Variants in CHN1 observed in about 807,000 individuals in gnomAD.
CHN1 encodes chimerin 1.
Under a neutral mutation model 59.5 loss-of-function variants are expected in CHN1, and 37 were observed. The ratio of observed to expected loss-of-function variants is 0.62; its 90% CI spans 0.48 to 0.82. The LOEUF is 0.82. Among genes scored for constraint, CHN1 ranks in the 40% least tolerant of loss-of-function variants. CHN1 has a pLI of 0.00. For synonymous variants in CHN1, 206 were observed against 200.4 expected, an observed-to-expected ratio of 1.03 and a Z score of -0.24; for missense variants, 469 against 571.0, an observed-to-expected ratio of 0.82 and a Z score of 1.82.
chr2:174,821,671 C>T (rs558093243), intron 8 of CHN1: 12 of 429,226 alleles, frequency 2.8e-5, no homozygotes, highest in African/African-American at 2.3e-4. Context: ...GTAGGCACCT[C>T]CCCTCTGGAG....
intron 6 of CHN1, among the ~76,000 whole-genome samples, chr2:174,872,245 A>G (rs771943236): frequency 5.3e-5 from 8 of 152,180 alleles, no homozygotes; most frequent in African/African-American, 7.2e-5. Flanking sequence ...GTTTGCATCA[A>G]TGCACTCCTG....
At chr2:174,921,203 A>C (rs1442336367) in intron 3 of CHN1, among the ~76,000 whole-genome samples, 1 of 152,166 alleles carries the variant, frequency 6.6e-6, no homozygotes, top group South Asian at 2.1e-4. Flanking sequence ...GGGGACACCT[A>C]ATCTATAGCA....
intron 6 of CHN1, chr2:174,847,181 G>A (rs1686549293): frequency 1.3e-6 from 2 of 1,514,138 alleles, no homozygotes; most frequent in African/African-American, 1.4e-5. Context: ...GTCTGTCGAT[G>A]ATATCTATTC....
chr2:174,914,181 G>A (rs190631338), intron 5 of CHN1, among the ~76,000 whole-genome samples: 1 of 152,298 alleles, frequency 6.6e-6, no homozygotes, highest in East Asian at 1.9e-4. Flanking sequence ...GAGTTGTTGC[G>A]AGGATTAAAT....
intron 1 of CHN1, among the ~76,000 whole-genome samples, chr2:174,961,358 C>T (rs1690400750): frequency 6.6e-6 from 1 of 151,978 alleles, no homozygotes; most frequent in African/African-American, 2.4e-5. Context: ...AGGCCGATCA[C>T]CTGAGGGTGG....
At chr2:174,989,914 T>C (rs912819448) in intron 1 of CHN1, among the ~76,000 whole-genome samples, 5 of 152,214 alleles carry the variant, frequency 3.3e-5, no homozygotes, top group African/African-American at 7.2e-5. Flanking sequence ...ATTTTCCTTC[T>C]TCCCCTGGTA....
intron 6 of CHN1, among the ~76,000 whole-genome samples, chr2:174,869,628 G>A (rs1687340214): frequency 6.6e-6 from 1 of 151,984 alleles, no homozygotes; most frequent in South Asian, 2.1e-4. Context: ...AACTGTACAT[G>A]GAACTGTGCA....
intron 6 of CHN1, among the ~76,000 whole-genome samples, chr2:174,854,699 T>C (rs1341076775): frequency 6.6e-6 from 1 of 152,206 alleles, no homozygotes; most frequent in African/African-American, 2.4e-5. Context: ...TCAAATGAGA[T>C]ACTATGTGGG....
rs1419040589 is a variant in CHN1 at position 174,801,803 on chromosome 2, T to C, written c.1112A>G (p.Asp371Gly). 3.1e-6 allele frequency: 5 copies of C among 1,611,944 alleles called. No individual in the cohort carries two copies. Among genetic ancestry groups the C allele is most frequent in the Non-Finnish European group, 4.2e-6 (5 of 1,178,282 alleles). Residue 371 changes from aspartate (D) to glycine (G), a missense_variant, in exon 12 of 13, where the codon GAT (aspartate) becomes GGT (glycine). Asp to Gly is a moderately conservative substitution (Grantham distance 94, BLOSUM62 -1). Coordinates refer to ENST00000409900, the MANE Select transcript of CHN1 (RefSeq NM_001822.7). ...PKFIESAKIM[D>G]PDEQLETLHE... ...AAGGGTTTCCAATTGCTCATCCGGA[T>C]CCATAATTTCTAAAATAGCAAGTCG... is the stretch of plus-strand genomic sequence containing the variant.
At chr2:174,941,911 G>GA (rs1689678092) in intron 3 of CHN1, among the ~76,000 whole-genome samples, 1 of 152,000 alleles carries the variant, frequency 6.6e-6, no homozygotes, top group Admixed American at 6.5e-5. Flanking sequence ...AGAAGTATAT[G>GA]AAAAAACGCT....
chr2:174,982,223 G>A (rs773104336), intron 1 of CHN1, among the ~76,000 whole-genome samples: 2 of 152,124 alleles, frequency 1.3e-5, no homozygotes, highest in Admixed American at 1.3e-4. Context: ...TTGGTTCCAG[G>A]TCTTTGCTAT....
intron 5 of CHN1, among the ~76,000 whole-genome samples, chr2:174,882,524 A>C (rs915315732): frequency 6.6e-6 from 1 of 152,238 alleles, no homozygotes; most frequent in Non-Finnish European, 1.5e-5. Flanking sequence ...CTTTATGCAA[A>C]ACCAAGAATT....
chr2:174,875,129 C>T (rs146345905), intron 6 of CHN1, among the ~76,000 whole-genome samples: 3 of 152,240 alleles, frequency 2.0e-5, no homozygotes, highest in Non-Finnish European at 2.9e-5. Flanking sequence ...CCCACCTTGG[C>T]CTCCCAATGT....
intron 5 of CHN1, among the ~76,000 whole-genome samples, chr2:174,904,787 T>C (rs889712768): frequency 6.6e-5 from 10 of 152,194 alleles, no homozygotes; most frequent in African/African-American, 1.7e-4. Flanking sequence ...GGGGGAAAAA[T>C]AGTATCTACC....
chr2:174,999,046 T>G (rs1691800794), intron 1 of CHN1, among the ~76,000 whole-genome samples: 1 of 152,154 alleles, frequency 6.6e-6, no homozygotes, highest in Non-Finnish European at 1.5e-5. Flanking sequence ...TATTTATAAC[T>G]TTATTTTGTC....
chr2:174,808,797 C>T, intron 11 of CHN1, 108 bp downstream of exon 11: 1 of 1,203,618 alleles, frequency 8.3e-7, no homozygotes. Context: ...TAGAGAGAGG[C>T]AAAGGGGAAA....
chr2:174,838,990 C>T (rs1478992410), intron 7 of CHN1, among the ~76,000 whole-genome samples: 2 of 151,048 alleles, frequency 1.3e-5, no homozygotes, highest in African/African-American at 4.9e-5. Flanking sequence ...GCACTCCAGC[C>T]TCGGCGACAG....
intron 5 of CHN1, among the ~76,000 whole-genome samples, chr2:174,905,898 G>A (rs1185782250): frequency 6.6e-6 from 1 of 152,064 alleles, no homozygotes; most frequent in Non-Finnish European, 1.5e-5. Flanking sequence ...TCAAGAGTAA[G>A]GTGCAAATCA....
chr2:174,904,213 T>C (rs1432535747), intron 5 of CHN1, among the ~76,000 whole-genome samples: 1 of 151,584 alleles, frequency 6.6e-6, no homozygotes, highest in Non-Finnish European at 1.5e-5. Flanking sequence ...TGGCACGAGA[T>C]TGTGCCATTG....
Sources: allele counts gnomAD v4.1 joint callset (sites outside exome capture counted in the v4.1 genomes callset), GRCh38; gene constraint gnomAD v4.1.1; transcripts MANE v1.5; gene names NCBI Gene and HGNC (gene_info 2026-07-23, HGNC 2026-07-21).